PTPRD: variants seen among roughly 807,000 people sequenced by gnomAD.
The protein encoded by PTPRD is receptor-type tyrosine-protein phosphatase delta.
In PTPRD, 34 loss-of-function variants were observed where a neutral mutation model predicts 214.5. That is an observed-to-expected ratio of 0.16 (90% CI 0.12 to 0.21). The LOEUF is 0.21. Ranked by LOEUF, PTPRD falls within the 10% of genes least tolerant of loss-of-function variation. PTPRD has a pLI of 1.00. For missense variants in PTPRD, 2,545 were observed against 2,398.7 expected, an observed-to-expected ratio of 1.06 and a Z score of -1.27; for synonymous variants, 1,128 against 845.7, an observed-to-expected ratio of 1.33 and a Z score of -5.79.
intron 10 of PTPRD, among the ~76,000 whole-genome samples, chr9:9,077,614 A>G (rs2154417500): frequency 6.6e-6 from 1 of 152,188 alleles, no homozygotes; most frequent in African/African-American, 2.4e-5. Context: ...GGAGAGTGTC[A>G]TGCAAAGATT....
intron 3 of PTPRD, among the ~76,000 whole-genome samples, chr9:10,197,122 G>A (rs294829): frequency 0.82 from 124,482 of 152,010 alleles, 52,232 homozygotes; most frequent in East Asian, 0.98. Flanking sequence ...ATAAAACTGT[G>A]TCGTGTTGCC....
intron 2 of PTPRD, among the ~76,000 whole-genome samples, chr9:10,345,963 T>A (rs889749037): frequency 6.6e-6 from 1 of 152,190 alleles, no homozygotes; most frequent in African/African-American, 2.4e-5. Flanking sequence ...TTCTAACTGA[T>A]GTGAGATGGT....
chr9:10,446,088 A>G (rs1369197135), intron 2 of PTPRD, among the ~76,000 whole-genome samples: 1 of 152,040 alleles, frequency 6.6e-6, no homozygotes, highest in Non-Finnish European at 1.5e-5. Context: ...TCAAGCCCAC[A>G]TGTTCAGCCT....
rs5896286 is a variant in PTPRD at position 8,940,827 on chromosome 9, G to GTGATGA, written c.-104+77864_-104+77869dup. Among the ~76,000 whole-genome samples the GTGATGA allele has an allele frequency of 1.1e-3, 155 of 140,026 alleles. 1 individual carries two copies. The highest frequency in any genetic ancestry group is 3.7e-3 in the African/African-American group (146 of 39,936). The allele number at this position is 140,026 out of a possible 152,430, so 91.9% of individuals were successfully genotyped here. ...TCAAAACTACCATTGCAAAACATTA[G>GTGATGA]TGATGATGATGATGATGATGATGAT... On this transcript the variant is annotated intron_variant, in intron 11 of 45. Coordinates refer to ENST00000381196, the MANE Select transcript of PTPRD (RefSeq NM_002839.4).
chr9:9,841,713 C>T (rs989221331), intron 5 of PTPRD, among the ~76,000 whole-genome samples: 5 of 152,062 alleles, frequency 3.3e-5, no homozygotes, highest in African/African-American at 1.2e-4. Flanking sequence ...ATCTGACTTT[C>T]CTGAATCTTA....
At chr9:10,015,306 T>C (rs764130029) in intron 4 of PTPRD, among the ~76,000 whole-genome samples, 30 of 152,198 alleles carry the variant, frequency 2.0e-4, no homozygotes, top group Admixed American at 5.9e-4. Context: ...ACTTAGATTT[T>C]ATAATTATTG....
intron 3 of PTPRD, among the ~76,000 whole-genome samples, chr9:10,244,066 C>T (rs1049020903): frequency 2.0e-5 from 3 of 151,580 alleles, no homozygotes; most frequent in South Asian, 2.1e-4. Context: ...TAGAATGAGA[C>T]TATAGAGAGC....
intron 3 of PTPRD, among the ~76,000 whole-genome samples, chr9:10,107,665 A>G (rs1013122302): frequency 6.6e-6 from 1 of 152,092 alleles, no homozygotes; most frequent in Non-Finnish European, 1.5e-5. Flanking sequence ...AGTTTAATCC[A>G]GATACATTGC....
At chr9:9,192,269 G>T (rs2099935716) in intron 9 of PTPRD, among the ~76,000 whole-genome samples, 1 of 151,996 alleles carries the variant, frequency 6.6e-6, no homozygotes, top group African/African-American at 2.4e-5. Flanking sequence ...TTGGGAGAAA[G>T]CAGGAGTGCA....
chr9:8,501,395 C>T (rs1334512688), intron 23 of PTPRD, among the ~76,000 whole-genome samples: 5 of 152,208 alleles, frequency 3.3e-5, no homozygotes, highest in Admixed American at 1.3e-4. Flanking sequence ...TCTCCCACCC[C>T]CACTATACTG....
At chr9:8,923,611 T>G (rs944601741) in intron 11 of PTPRD, among the ~76,000 whole-genome samples, 3 of 152,160 alleles carry the variant, frequency 2.0e-5, no homozygotes, top group Admixed American at 6.5e-5. Context: ...ACTGACCTAT[T>G]TTAAAAATGC....
At chr9:9,445,460 C>A (rs1034831621) in intron 8 of PTPRD, among the ~76,000 whole-genome samples, 2 of 152,112 alleles carry the variant, frequency 1.3e-5, no homozygotes, top group African/African-American at 4.8e-5. Flanking sequence ...CTATAAAGAA[C>A]TGCTCGGGAC....
chr9:9,167,092 G>C (rs765155439), intron 10 of PTPRD, among the ~76,000 whole-genome samples: 3 of 152,070 alleles, frequency 2.0e-5, no homozygotes, highest in African/African-American at 4.8e-5. Context: ...TCACATTGTT[G>C]ACAAATAGTG....
intron 8 of PTPRD, among the ~76,000 whole-genome samples, chr9:9,486,843 G>A (rs1348699292): frequency 6.6e-6 from 1 of 151,980 alleles, no homozygotes; most frequent in African/African-American, 2.4e-5. Flanking sequence ...TCTTTTGTCT[G>A]TATTCAAAAT....
At chr9:8,527,959 A>G (rs192181243) in intron 15 of PTPRD, among the ~76,000 whole-genome samples, 4 of 152,238 alleles carry the variant, frequency 2.6e-5, no homozygotes, top group African/African-American at 9.6e-5. Context: ...ATTAATAAAA[A>G]TCCCCTCCTT....
intron 8 of PTPRD, among the ~76,000 whole-genome samples, chr9:9,502,903 C>G (rs1221666208): frequency 6.6e-6 from 1 of 151,826 alleles, no homozygotes; most frequent in East Asian, 1.9e-4. Context: ...GAAATTAGAA[C>G]AAGCTTGCCT....
Position 10,480,541 on chromosome 9 carries a change from C to T in PTPRD, c.-600+131857G>A, listed in dbSNP as rs549384283. Among the ~76,000 whole-genome samples the T allele has an allele frequency of 7.3e-5, 11 of 151,326 alleles. No individual in the cohort carries two copies. In the South Asian group the frequency reaches 1.7e-3, roughly 23 times the overall value. On this transcript the variant is annotated intron_variant, in intron 2 of 45. Coordinates refer to ENST00000381196, the MANE Select transcript of PTPRD (RefSeq NM_002839.4). ...AAGCAAGACATTTTTTATAAACTTC[C>T]GAAGAAATAAGGAAGAAAGAAAGCA...
At chr9:9,107,319 A>G (rs1387785298) in intron 10 of PTPRD, among the ~76,000 whole-genome samples, 1 of 152,158 alleles carries the variant, frequency 6.6e-6, no homozygotes, top group East Asian at 1.9e-4. Context: ...CAAATTTGTC[A>G]CACTGCTGGC....
At chr9:8,967,301 G>A (rs564156515) in intron 11 of PTPRD, among the ~76,000 whole-genome samples, 1 of 151,618 alleles carries the variant, frequency 6.6e-6, no homozygotes. Context: ...TATTTGATTG[G>A]ATATGAAATG....
Sources: allele counts gnomAD v4.1 joint callset (sites outside exome capture counted in the v4.1 genomes callset), GRCh38; gene constraint gnomAD v4.1.1; transcripts MANE v1.5; gene names NCBI Gene and HGNC (gene_info 2026-07-23, HGNC 2026-07-21).